The following PCDH9 variants were observed in gnomAD, a reference collection of about 807,000 sequenced individuals.
The protein encoded by PCDH9 is protocadherin-9.
Under a neutral mutation model 70.6 loss-of-function variants are expected in PCDH9, and 24 were observed. The observed-to-expected ratio is 0.34, with a 90% confidence interval of 0.25 to 0.48. The LOEUF is 0.48. PCDH9 is among the 20% of genes least tolerant of loss of function. PCDH9 has a pLI of 0.99. For missense variants in PCDH9, 1,281 were observed against 1,503.6 expected (o/e 0.85, Z 2.45); for synonymous variants, 562 against 558.5 (o/e 1.01, Z -0.09).
At chr13:67,136,057 A>T (rs2087224730) in intron 2 of PCDH9, among the ~76,000 whole-genome samples, 1 of 152,296 alleles carries the variant, frequency 6.6e-6, no homozygotes, top group South Asian at 2.1e-4. Context: ...CCAGTCAAGG[A>T]TAAACTGCAT....
chr13:66,781,386 T>G (rs2079995624), intron 3 of PCDH9, among the ~76,000 whole-genome samples: 1 of 152,204 alleles, frequency 6.6e-6, no homozygotes, highest in South Asian at 2.1e-4. Context: ...CAGATGGGTT[T>G]ATTTCACAAA....
intron 4 of PCDH9, among the ~76,000 whole-genome samples, chr13:66,474,791 C>G (rs972258255): frequency 1.3e-5 from 2 of 152,034 alleles, no homozygotes; most frequent in African/African-American, 4.8e-5. Flanking sequence ...TCACTACAAC[C>G]TACTCTCTCT....
At chr13:66,932,681 T>TATATATATATATATATATATACACACAC (rs1313632174) in intron 2 of PCDH9, among the ~76,000 whole-genome samples, 1 of 114,822 alleles carries the variant, frequency 8.7e-6, no homozygotes, top group African/African-American at 3.4e-5. Flanking sequence ...TATATATATA[T>TATATATATATATATATATATACACACAC]ACACACACAC....
chr13:67,025,440 A>G (rs750823656), intron 2 of PCDH9, among the ~76,000 whole-genome samples: 5 of 152,012 alleles, frequency 3.3e-5, no homozygotes, highest in Non-Finnish European at 7.4e-5. Flanking sequence ...TCTTTTTTTA[A>G]TGTTTCTTTT....
At chr13:66,684,581 C>G (rs2078374022) in intron 3 of PCDH9, among the ~76,000 whole-genome samples, 1 of 152,106 alleles carries the variant, frequency 6.6e-6, no homozygotes. Flanking sequence ...TGGCACTTCT[C>G]CTTCCTGCCT....
chr13:66,468,898 G>T (rs2138475302), intron 4 of PCDH9, among the ~76,000 whole-genome samples: 1 of 152,138 alleles, frequency 6.6e-6, no homozygotes, highest in Middle Eastern at 3.4e-3. Context: ...GATATAGTCA[G>T]GCTGCACCCA....
At chr13:66,437,827 GACTAAAAGACATGT>G (rs747339532) in intron 4 of PCDH9, among the ~76,000 whole-genome samples, 3 of 152,088 alleles carry the variant, frequency 2.0e-5, no homozygotes, top group Non-Finnish European at 2.9e-5. Context: ...TACTTATGTT[GACTAAAAGACATGT>G]ACTAAAAGAA....
At chr13:66,737,764 A>C (rs7333074) in intron 3 of PCDH9, among the ~76,000 whole-genome samples, 6,302 of 152,200 alleles carry the variant, frequency 0.041, 409 homozygotes, top group African/African-American at 0.14. Context: ...GGCCACTCCC[A>C]CCCGAATATT....
chr13:67,123,907 A>G (rs2086924519), intron 2 of PCDH9, among the ~76,000 whole-genome samples: 1 of 151,810 alleles, frequency 6.6e-6, no homozygotes, highest in Admixed American at 6.6e-5. Flanking sequence ...CAGATTAATT[A>G]GTGAGATGAG....
chr13:67,103,449 T>C (rs747700982), intron 2 of PCDH9, among the ~76,000 whole-genome samples: 2 of 152,160 alleles, frequency 1.3e-5, no homozygotes, highest in South Asian at 2.1e-4. Context: ...GCCAATAGAA[T>C]GTATATATTG....
intron 2 of PCDH9, among the ~76,000 whole-genome samples, chr13:66,911,626 A>T (rs983563303): frequency 3.3e-5 from 5 of 152,166 alleles, no homozygotes; most frequent in Non-Finnish European, 5.9e-5. Context: ...CTAATGGTCT[A>T]CACTTTACAA....
chr13:66,757,555 A>G (rs1182590786), intron 3 of PCDH9, among the ~76,000 whole-genome samples: 2 of 152,104 alleles, frequency 1.3e-5, no homozygotes, highest in African/African-American at 2.4e-5. Context: ...AAATATGTAA[A>G]TGGTAAAAAA....
intron 2 of PCDH9, among the ~76,000 whole-genome samples, chr13:67,178,045 A>G (rs1171046225): frequency 6.6e-6 from 1 of 151,984 alleles, no homozygotes. Flanking sequence ...CATCCATCTC[A>G]CTGTACAATA....
Position 66,407,056 on chromosome 13 carries a change from G to T in PCDH9, c.3341-102028C>A, listed in dbSNP as rs1209433288. Among the ~76,000 whole-genome samples the T allele has an allele frequency of 3.9e-5, 6 of 152,152 alleles. No individual in the cohort carries two copies. The South Asian group carries it at 1.0e-3, about 26-fold the overall frequency. ...GTGCTTATCTCAGAAACAAGGCACA[G>T]ATCTCACTTATAGTCTAAAAGACAC... On this transcript the variant is annotated intron_variant, in intron 4 of 4. Coordinates refer to ENST00000377865, the MANE Select transcript of PCDH9 (RefSeq NM_203487.3).
At chr13:66,445,514 C>T (rs550397468) in intron 4 of PCDH9, among the ~76,000 whole-genome samples, 25 of 141,028 alleles carry the variant, frequency 1.8e-4, no homozygotes, top group Non-Finnish European at 3.5e-4. Flanking sequence ...TATATACACA[C>T]ATATATAATA....
intron 2 of PCDH9, among the ~76,000 whole-genome samples, chr13:66,930,768 C>T (rs190707723): frequency 6.6e-6 from 1 of 152,136 alleles, no homozygotes; most frequent in African/African-American, 2.4e-5. Context: ...ATCAATGTTA[C>T]CTCTTTTAAT....
chr13:66,923,401 A>T (rs936702881), intron 2 of PCDH9, among the ~76,000 whole-genome samples: 2 of 151,658 alleles, frequency 1.3e-5, no homozygotes, highest in South Asian at 2.1e-4. Flanking sequence ...AAAATTTTGT[A>T]TTCAAACATT....
At chr13:66,504,754 T>C (rs1379382007) in intron 4 of PCDH9, among the ~76,000 whole-genome samples, 2 of 152,188 alleles carry the variant, frequency 1.3e-5, no homozygotes, top group East Asian at 3.9e-4. Context: ...TGATGAATGC[T>C]ACCTGCTGAG....
intron 4 of PCDH9, among the ~76,000 whole-genome samples, chr13:66,385,088 T>C (rs1357732391): frequency 6.6e-6 from 1 of 152,168 alleles, no homozygotes; most frequent in Non-Finnish European, 1.5e-5. Flanking sequence ...TTTTAAGATT[T>C]CATATATAGG....
Sources: allele counts gnomAD v4.1 joint callset (sites outside exome capture counted in the v4.1 genomes callset), GRCh38; gene constraint gnomAD v4.1.1; transcripts MANE v1.5; gene names NCBI Gene and HGNC (gene_info 2026-07-23, HGNC 2026-07-21).